Variants in KLHDC1 observed in about 807,000 individuals in gnomAD.
KLHDC1 encodes the protein kelch domain containing 1.
KLHDC1 carries 53 observed loss-of-function variants against 68.3 expected under a neutral mutation model. The ratio of observed to expected loss-of-function variants is 0.78; its 90% CI spans 0.62 to 0.98. KLHDC1 has a LOEUF of 0.98. Among genes scored for constraint, KLHDC1 ranks in the 50% least tolerant of loss-of-function variants. The probability of loss-of-function intolerance (pLI) is 0.00; values close to 1 mark genes in which losing one functional copy is unlikely to be tolerated. For synonymous variants in KLHDC1, 148 were observed against 159.0 expected (o/e 0.93, Z 0.52); for missense variants, 470 against 492.3 (o/e 0.95, Z 0.43).
intron 11 of KLHDC1, among the ~76,000 whole-genome samples, chr14:49,743,483 A>G (rs1191589782): frequency 1.3e-5 from 2 of 150,982 alleles, no homozygotes; most frequent in Admixed American, 6.6e-5. Flanking sequence ...CTTATTTTCA[A>G]ATTTGCAATT....
chr14:49,728,904 C>G, intron 6 of KLHDC1, 22 bp from the exon 7 acceptor site: 4 of 1,537,768 alleles, frequency 2.6e-6, no homozygotes, highest in Non-Finnish European at 3.6e-6. Flanking sequence ...TCTTTGCAGT[C>G]TGTTCTGATT....
chr14:49,716,331 C>T (rs888647338), intron 4 of KLHDC1, among the ~76,000 whole-genome samples: 1 of 151,420 alleles, frequency 6.6e-6, no homozygotes, highest in Admixed American at 6.6e-5. Context: ...CAATGATTGC[C>T]CTAGGCAAGG....
At chr14:49,713,821 TATATATATATATATATATA>T (rs1566602794) in intron 4 of KLHDC1, among the ~76,000 whole-genome samples, 41 of 3,164 alleles carry the variant, frequency 0.013, 2 homozygotes, top group African/African-American at 0.019. Flanking sequence ...TATATATATA[TATATATATATATATATATA>T]TATATATATA....
chr14:49,709,827 G>A lies in KLHDC1; in HGVS notation c.285+1G>A. 6.7e-7 allele frequency: 1 copy of A among 1,491,772 alleles called. No individual in the cohort carries two copies. Among genetic ancestry groups the A allele is most frequent in the Non-Finnish European group, 9.1e-7 (1 of 1,093,008 alleles). The allele number at this position is 1,491,772 out of a possible 1,614,324, so 92.4% of individuals were successfully genotyped here. A position where few individuals can be genotyped will look rare whatever the true frequency, so the allele number is the denominator to read the frequency against. ...TGATGACAAAGGATACAGCAATCGAGTAATAATTTCTTTAATTCAAGAGTG... is the reference window on the plus strand; with the variant it reads ...TGATGACAAAGGATACAGCAATCGAATAATAATTTCTTTAATTCAAGAGTG... On this transcript the variant is annotated splice_donor_variant, in intron 3 of 12. Coordinates refer to ENST00000359332, the MANE Select transcript of KLHDC1 (RefSeq NM_172193.3). LOFTEE classifies it high-confidence loss of function.
At chr14:49,701,906 C>T (rs995886871) in intron 1 of KLHDC1, among the ~76,000 whole-genome samples, 3 of 151,522 alleles carry the variant, frequency 2.0e-5, no homozygotes, top group Admixed American at 6.6e-5. Context: ...TGGTGGCTCA[C>T]GCCTGTAATC....
intron 6 of KLHDC1, among the ~76,000 whole-genome samples, chr14:49,727,032 C>T (rs1204119755): frequency 2.0e-5 from 3 of 151,720 alleles, no homozygotes; most frequent in African/African-American, 4.8e-5. Flanking sequence ...ATTGCCTGAG[C>T]TCAGAAGTTC....
intron 1 of KLHDC1, chr14:49,700,009 A>G (rs999044170): frequency 5.6e-6 from 2 of 355,510 alleles, no homozygotes; most frequent in South Asian, 4.1e-5. Flanking sequence ...AATACAATTG[A>G]TAATATGTTT....
chr14:49,717,379 G>GGT (rs749482307), intron 4 of KLHDC1, among the ~76,000 whole-genome samples: 47 of 151,548 alleles, frequency 3.1e-4, no homozygotes, highest in East Asian at 7.7e-4. Flanking sequence ...GCTTATTTTG[G>GGT]GTGTGTGTGT....
At chr14:49,747,369 C>T (rs1355412710) in intron 12 of KLHDC1, among the ~76,000 whole-genome samples, 3 of 152,060 alleles carry the variant, frequency 2.0e-5, no homozygotes, top group African/African-American at 4.8e-5. Context: ...GCACCAAGAC[C>T]GAGGGAGGAT....
intron 8 of KLHDC1, 53 bp downstream of exon 8, chr14:49,729,601 T>C (rs1448439132): frequency 8.8e-7 from 1 of 1,134,796 alleles, no homozygotes; most frequent in Non-Finnish European, 1.3e-6. Flanking sequence ...TATGTGTCTG[T>C]ATGTCACCAT....
intron 1 of KLHDC1, among the ~76,000 whole-genome samples, chr14:49,707,203 T>G (rs778757853): frequency 8.5e-5 from 13 of 152,100 alleles, no homozygotes; most frequent in Admixed American, 2.0e-4. Flanking sequence ...TTGCACCATC[T>G]ATTGAAAAGA....
intron 4 of KLHDC1, among the ~76,000 whole-genome samples, chr14:49,717,362 C>T (rs546865594): frequency 6.6e-6 from 1 of 152,262 alleles, no homozygotes; most frequent in East Asian, 1.9e-4. Flanking sequence ...GCCACATCCT[C>T]ACCTATGCTT....
chr14:49,697,336 C>T (rs2139726332), intron 1 of KLHDC1, among the ~76,000 whole-genome samples: 1 of 152,294 alleles, frequency 6.6e-6, no homozygotes. Context: ...TGAACACACA[C>T]ATTTATCAGT....
At chr14:49,732,467 C>T (rs1163033913) in intron 8 of KLHDC1, among the ~76,000 whole-genome samples, 2 of 152,134 alleles carry the variant, frequency 1.3e-5, no homozygotes, top group Admixed American at 1.3e-4. Flanking sequence ...GCCACCGCGT[C>T]GGCTGAGAAT....
At chr14:49,735,370 A>T (rs1006444843) in intron 10 of KLHDC1, among the ~76,000 whole-genome samples, 3 of 152,054 alleles carry the variant, frequency 2.0e-5, no homozygotes, top group Non-Finnish European at 4.4e-5. Context: ...TTAGAATTTT[A>T]AAAATACAGA....
chr14:49,752,314 T>G lies in KLHDC1; in HGVS notation c.*542T>G, dbSNP rs553070116. The G allele has an allele frequency of 6.6e-6, 1 of 152,494 alleles. No homozygotes were observed. The highest frequency in any genetic ancestry group is 1.5e-5 in the Non-Finnish European group (1 of 67,930). 9.4% of individuals were successfully genotyped at this position (152,494 alleles called of 1,614,324 possible). ...ACTCCTGACCTTTTCGACACTTACCTAGTAAAGTATTCTTAGGCATCATCA... is the reference window on the plus strand; with the variant it reads ...ACTCCTGACCTTTTCGACACTTACCGAGTAAAGTATTCTTAGGCATCATCA... On this transcript the variant is annotated 3_prime_UTR_variant, in exon 13 of 13. Coordinates refer to ENST00000359332, the MANE Select transcript of KLHDC1 (RefSeq NM_172193.3).
intron 1 of KLHDC1, among the ~76,000 whole-genome samples, chr14:49,699,557 A>G (rs1208654571): frequency 6.6e-6 from 1 of 152,208 alleles, no homozygotes; most frequent in Non-Finnish European, 1.5e-5. Context: ...CTCAGTAGTT[A>G]AGTATAATGA....
chr14:49,715,739 C>CAA (rs1168439082), intron 4 of KLHDC1, among the ~76,000 whole-genome samples: 2 of 54,924 alleles, frequency 3.6e-5, no homozygotes, highest in African/African-American at 1.6e-4. Flanking sequence ...GACTCTGTCT[C>CAA]AAAAAAAAAA....
In KLHDC1 at chr14:49,711,910, C is replaced by CTTTTTTTTTTTT. The variant is rs992092493; in HGVS notation, c.404+1545_404+1556dup. On this transcript the variant is annotated intron_variant, in intron 4 of 12. Transcript: ENST00000359332. Reference sequence around the variant, plus strand: ...TTATATGTCTTTCTTTTTTCTTTTTCTTTTTTTTTTTTTTTTTTTTTTTTT... The same window carrying CTTTTTTTTTTTT: ...TTATATGTCTTTCTTTTTTCTTTTTCTTTTTTTTTTTTTTTTTTTTTTTTTTTTTTTTTTTTT... 1.4e-3 allele frequency among the ~76,000 whole-genome samples: 108 copies of CTTTTTTTTTTTT among 76,626 alleles called. 3 individuals are homozygous for CTTTTTTTTTTTT. The highest frequency in any genetic ancestry group is 2.0e-3 in the Non-Finnish European group (74 of 37,478). The allele number at this position is 76,626 out of a possible 152,430, so 50.3% of individuals were successfully genotyped here.
Sources: allele counts gnomAD v4.1 joint callset (sites outside exome capture counted in the v4.1 genomes callset), GRCh38; gene constraint gnomAD v4.1.1; transcripts MANE v1.5; gene names NCBI Gene and HGNC (gene_info 2026-07-23, HGNC 2026-07-21).